The following CSMD1 variants were observed in gnomAD, a reference collection of about 807,000 sequenced individuals.
CSMD1 encodes the protein CUB and sushi domain-containing protein 1.
In CSMD1, 213 loss-of-function variants were observed where a neutral mutation model predicts 417.5. The observed-to-expected ratio is 0.51, with a 90% CI of 0.46 to 0.57. The LOEUF (loss-of-function observed/expected upper bound fraction) is 0.57, where lower values mean the gene tolerates loss of function less well. CSMD1 is among the 20% of genes least tolerant of loss of function. CSMD1 has a pLI of 0.00. For synonymous variants in CSMD1, 2,862 were observed against 1,736.8 expected (o/e 1.65, Z -16.11); for missense variants, 6,923 against 4,529.7 (o/e 1.53, Z -15.17).
chr8:4,273,852 T>C (rs779112), intron 3 of CSMD1, among the ~76,000 whole-genome samples: 3 of 151,868 alleles, frequency 2.0e-5, no homozygotes, highest in African/African-American at 7.3e-5. Context: ...TGAAATGATA[T>C]AACATACTTG....
chr8:4,429,628 A>G (rs1347754), intron 2 of CSMD1, among the ~76,000 whole-genome samples: 121,061 of 152,044 alleles, frequency 0.8, 48,381 homozygotes, highest in Middle Eastern at 0.88. Flanking sequence ...CCAGAGAGAG[A>G]AACGAATGCA....
intron 1 of CSMD1, among the ~76,000 whole-genome samples, chr8:4,724,878 A>G (rs1585002590): frequency 6.6e-6 from 1 of 151,990 alleles, no homozygotes; most frequent in African/African-American, 2.4e-5. Flanking sequence ...CACTATTAAA[A>G]CCTCAACTAT....
intron 1 of CSMD1, among the ~76,000 whole-genome samples, chr8:4,775,939 A>G (rs957514288): frequency 6.6e-6 from 1 of 152,344 alleles, no homozygotes; most frequent in East Asian, 1.9e-4. Context: ...GAATTAGTCA[A>G]GGCAGTTGGA....
At chr8:4,272,101 C>T (rs1804637732) in intron 3 of CSMD1, among the ~76,000 whole-genome samples, 1 of 152,138 alleles carries the variant, frequency 6.6e-6, no homozygotes, top group Non-Finnish European at 1.5e-5. Flanking sequence ...TGTACACCCA[C>T]ACCTGTCAGG....
In CSMD1 at chr8:4,212,694, T is replaced by C. The variant is rs1014238916; in HGVS notation, c.416-180595A>G. On this transcript the variant is annotated intron_variant, in intron 3 of 69. Coordinates refer to ENST00000635120, the MANE Select transcript of CSMD1 (RefSeq NM_033225.6). ...CTAAGAACAGAAATAATTAGTTATA[T>C]GTAACCACATACATGAATATGAAAC... is the stretch of plus-strand genomic sequence containing the variant. 4.6e-5 allele frequency among the ~76,000 whole-genome samples: 7 copies of C among 151,054 alleles called. 1 individual carries two copies. The highest frequency in any genetic ancestry group is 4.0e-4 in the Admixed American group (6 of 15,180).
chr8:2,956,122 C>T (rs1023658273), intron 63 of CSMD1, among the ~76,000 whole-genome samples: 37 of 151,456 alleles, frequency 2.4e-4, no homozygotes, highest in African/African-American at 7.8e-4. Flanking sequence ...GCTATACTAC[C>T]GAAATAAATA....
chr8:3,480,137 T>C lies in CSMD1; in HGVS notation c.1449-11313A>G, dbSNP rs117294533. Among the ~76,000 whole-genome samples the C allele has an allele frequency of 7.2e-4, 109 of 152,146 alleles. 3 individuals are homozygous for C. In the East Asian group the frequency reaches 0.018, roughly 25 times the overall value. The stretch of plus-strand genomic sequence containing the variant: ...ACTTTGGGAGGCCTAGGTGGATGGA[T>C]TGCCTGAGCTCAGGAGTTCAAGACC... On this transcript the variant is annotated intron_variant, in intron 11 of 69. Coordinates refer to ENST00000635120, the MANE Select transcript of CSMD1 (RefSeq NM_033225.6).
chr8:3,812,533 A>G (rs575143250), intron 5 of CSMD1, among the ~76,000 whole-genome samples: 3 of 152,342 alleles, frequency 2.0e-5, no homozygotes, highest in Non-Finnish European at 1.5e-5. Flanking sequence ...AAGAGTTCAA[A>G]AGCTAAGCTG....
chr8:4,310,784 A>G (rs537372830), intron 3 of CSMD1, among the ~76,000 whole-genome samples: 1 of 152,212 alleles, frequency 6.6e-6, no homozygotes, highest in Non-Finnish European at 1.5e-5. Flanking sequence ...CAGCCTTACC[A>G]AAGGAAGAAA....
At chr8:4,169,893 G>A (rs1183503881) in intron 3 of CSMD1, among the ~76,000 whole-genome samples, 1 of 149,672 alleles carries the variant, frequency 6.7e-6, no homozygotes, top group Non-Finnish European at 1.5e-5. Context: ...TGTTTTCTAT[G>A]AGTACCTGTT....
At chr8:3,838,636 AAATT>A (rs560043941) in intron 5 of CSMD1, among the ~76,000 whole-genome samples, 1,684 of 130,594 alleles carry the variant, frequency 0.013, 314 homozygotes, top group African/African-American at 0.046. Flanking sequence ...AATATATAAT[AAATT>A]AATATTATAT....
intron 2 of CSMD1, among the ~76,000 whole-genome samples, chr8:4,434,828 C>G (rs1454383122): frequency 6.6e-6 from 1 of 152,164 alleles, no homozygotes; most frequent in Non-Finnish European, 1.5e-5. Flanking sequence ...CAGGGCTCAA[C>G]CATCCATAGC....
At chr8:3,872,042 C>T (rs1055678487) in intron 5 of CSMD1, among the ~76,000 whole-genome samples, 12 of 152,174 alleles carry the variant, frequency 7.9e-5, no homozygotes, top group African/African-American at 1.2e-4. Context: ...ATTTTGGATA[C>T]ATTATATTGC....
At chr8:3,947,358 C>G (rs1449936159) in intron 5 of CSMD1, among the ~76,000 whole-genome samples, 1 of 152,162 alleles carries the variant, frequency 6.6e-6, no homozygotes, top group African/African-American at 2.4e-5. Flanking sequence ...TTAAACCAAT[C>G]TCGTATTCCT....
chr8:4,792,487 T>TC (rs1370873348), intron 1 of CSMD1, among the ~76,000 whole-genome samples: 2 of 152,184 alleles, frequency 1.3e-5, no homozygotes, highest in African/African-American at 4.8e-5. Context: ...CATTTTCTAT[T>TC]CCCGTTCCCT....
At chr8:4,195,207 G>C (rs1295141070) in intron 3 of CSMD1, among the ~76,000 whole-genome samples, 3 of 152,090 alleles carry the variant, frequency 2.0e-5, no homozygotes, top group African/African-American at 7.2e-5. Flanking sequence ...CTAAAACCTT[G>C]GGTGCATACA....
intron 7 of CSMD1, among the ~76,000 whole-genome samples, chr8:3,661,037 G>A (rs1377188208): frequency 2.0e-5 from 3 of 152,196 alleles, no homozygotes; most frequent in Non-Finnish European, 4.4e-5. Flanking sequence ...GATGCTTCCT[G>A]CCACCGCTAA....
intron 1 of CSMD1, among the ~76,000 whole-genome samples, chr8:4,771,650 G>A (rs1475172403): frequency 6.6e-6 from 1 of 152,078 alleles, no homozygotes; most frequent in African/African-American, 2.4e-5. Flanking sequence ...TGATTTCTAC[G>A]CAGTCAAATT....
chr8:3,766,304 C>T (rs980078222), intron 5 of CSMD1, among the ~76,000 whole-genome samples: 10 of 152,128 alleles, frequency 6.6e-5, no homozygotes, highest in Admixed American at 2.0e-4. Context: ...CCACGGGTGA[C>T]GCAGATCACA....
Sources: gnomAD v4.1 joint callset for allele counts (sites outside exome capture counted in the v4.1 genomes callset) on GRCh38, gnomAD v4.1.1 for gene constraint, MANE v1.5 for transcripts, NCBI Gene and HGNC (gene_info 2026-07-23, HGNC 2026-07-21) for gene names.